Variants in POU6F2 observed in about 807,000 individuals in gnomAD.
POU6F2 encodes the protein POU class 6 homeobox 2.
In POU6F2, 31 loss-of-function variants were observed where a neutral mutation model predicts 71.3. The ratio of observed to expected loss-of-function variants is 0.43; its 90% CI spans 0.33 to 0.59. The LOEUF is 0.59. Among genes scored for constraint, POU6F2 ranks in the 20% least tolerant of loss-of-function variants. The pLI is 0.04. For missense variants in POU6F2, 783 were observed against 856.8 expected (o/e 0.91, Z 1.07); for synonymous variants, 347 against 355.7 (o/e 0.98, Z 0.27).
At chr7:39,314,839 C>T (rs1562787203) in intron 4 of POU6F2, among the ~76,000 whole-genome samples, 1 of 151,970 alleles carries the variant, frequency 6.6e-6, no homozygotes, top group Non-Finnish European at 1.5e-5. Context: ...CCTGCTTAAG[C>T]CCAACTGAGG....
intron 5 of POU6F2, among the ~76,000 whole-genome samples, chr7:39,366,807 G>A (rs1786511411): frequency 6.6e-6 from 1 of 152,116 alleles, no homozygotes; most frequent in Non-Finnish European, 1.5e-5. Context: ...GGAGGCAGGG[G>A]AGGAGATGGA....
rs200390146 is a variant in POU6F2 at position 39,411,532 on chromosome 7, A to AG, written c.1113+4800dup. Among the ~76,000 whole-genome samples, 917 of 151,948 alleles carry AG rather than the reference A, an allele frequency of 6.0e-3. 3 individuals carry two copies. The highest frequency in any genetic ancestry group is 0.021 in the African/African-American group (851 of 41,432). Reference sequence around the variant, plus strand: ...GCGTTTGTCCTTAAAAAGCCAGTCAAGGGGGGGGAAGTCAACTAAACACTA... The same window carrying AG: ...GCGTTTGTCCTTAAAAAGCCAGTCAAGGGGGGGGGAAGTCAACTAAACACTA... On this transcript the variant is annotated intron_variant, in intron 6 of 9. Transcript: ENST00000518318.
intron 6 of POU6F2, among the ~76,000 whole-genome samples, chr7:39,426,600 C>T (rs1262651626): frequency 6.6e-6 from 1 of 151,900 alleles, no homozygotes; most frequent in Non-Finnish European, 1.5e-5. Context: ...CTTCTCTCTC[C>T]CTCTCTCTCA....
chr7:39,106,534 T>A (rs1791691521), intron 2 of POU6F2, among the ~76,000 whole-genome samples: 1 of 152,228 alleles, frequency 6.6e-6, no homozygotes, highest in African/African-American at 2.4e-5. Flanking sequence ...ACATATTTTG[T>A]AGCAATAGCT....
At chr7:39,181,138 C>T (rs1334511668) in intron 2 of POU6F2, among the ~76,000 whole-genome samples, 1 of 152,184 alleles carries the variant, frequency 6.6e-6, no homozygotes, top group African/African-American at 2.4e-5. Flanking sequence ...GCAGTTCTTT[C>T]AGGAAGAGAC....
At chr7:39,243,902 C>G (rs927813228) in intron 4 of POU6F2, among the ~76,000 whole-genome samples, 1 of 152,114 alleles carries the variant, frequency 6.6e-6, no homozygotes, top group African/African-American at 2.4e-5. Context: ...GAAAGTCCTA[C>G]AGGTCATTGA....
chr7:39,371,967 G>A (rs1054431265), intron 5 of POU6F2, among the ~76,000 whole-genome samples: 5 of 152,158 alleles, frequency 3.3e-5, no homozygotes, highest in Non-Finnish European at 5.9e-5. Context: ...CCAGGCTGGA[G>A]TGCAGTGATG....
At chr7:39,206,758 GTTATC>G (rs1794021585) in intron 3 of POU6F2, among the ~76,000 whole-genome samples, 1 of 152,090 alleles carries the variant, frequency 6.6e-6, no homozygotes, top group Non-Finnish European at 1.5e-5. Flanking sequence ...TTTTTATGCA[GTTATC>G]TTATTTCCTT....
chr7:39,153,628 AGAAAT>A (rs1792803909), intron 2 of POU6F2, among the ~76,000 whole-genome samples: 1 of 152,252 alleles, frequency 6.6e-6, no homozygotes, highest in Non-Finnish European at 1.5e-5. Context: ...ATTAATTAAA[AGAAAT>A]GAACAGATAC....
At chr7:39,006,062 T>G (rs1210162749) in intron 1 of POU6F2, among the ~76,000 whole-genome samples, 1 of 152,198 alleles carries the variant, frequency 6.6e-6, no homozygotes, top group Non-Finnish European at 1.5e-5. Context: ...TATTGTGGTA[T>G]TGGGGGGACA....
At chr7:39,038,788 G>A (rs994931404) in intron 1 of POU6F2, among the ~76,000 whole-genome samples, 1 of 151,756 alleles carries the variant, frequency 6.6e-6, no homozygotes. Flanking sequence ...TGTAGAATAC[G>A]TCCCATTGGA....
At chr7:39,401,634 T>G (rs139603420) in intron 5 of POU6F2, among the ~76,000 whole-genome samples, 1 of 152,216 alleles carries the variant, frequency 6.6e-6, no homozygotes, top group Non-Finnish European at 1.5e-5. Flanking sequence ...AAGGTCCTAA[T>G]GTATGTAAAT....
At chr7:39,214,815 A>T (rs1287529467) in intron 4 of POU6F2, among the ~76,000 whole-genome samples, 1 of 152,200 alleles carries the variant, frequency 6.6e-6, no homozygotes, top group East Asian at 1.9e-4. Flanking sequence ...CTGTTCAATG[A>T]AAATTGGGAA....
chr7:39,451,685 G>A lies in POU6F2; in HGVS notation c.1473G>A (p.Val491=). The A allele has an allele frequency of 1.3e-6, 2 of 1,596,144 alleles. No homozygotes were observed. The highest frequency in any genetic ancestry group is 1.7e-5 in the Admixed American group (1 of 57,164). The stretch of plus-strand genomic sequence containing the variant: ...CCTCCTCTTCTTCAGCTTTGAGCGT[G>A]GGCCAGTTAGTCAGCAGTAAGTATC... The part of the protein sequence containing the change: ...SSSSSSSALS[V]GQLVSNPQTA... The change falls in exon 8 of 10, where the codon GTG becomes GTA. Residue 491 remains valine (V), a synonymous_variant. Transcript: ENST00000518318.
intron 1 of POU6F2, among the ~76,000 whole-genome samples, chr7:39,060,639 T>A (rs1016235457): frequency 4.6e-5 from 7 of 152,192 alleles, no homozygotes; most frequent in Admixed American, 4.6e-4. Context: ...CAGCTGGTAG[T>A]CCAACAATGC....
At chr7:39,418,987 GTA>G (rs1195793282) in intron 6 of POU6F2, among the ~76,000 whole-genome samples, 1 of 133,974 alleles carries the variant, frequency 7.5e-6, no homozygotes, top group South Asian at 2.3e-4. Flanking sequence ...ATATATATGT[GTA>G]TATATGTGTA....
At chr7:39,400,076 G>T (rs1489923590) in intron 5 of POU6F2, among the ~76,000 whole-genome samples, 1 of 152,102 alleles carries the variant, frequency 6.6e-6, no homozygotes, top group African/African-American at 2.4e-5. Context: ...TCAGTCCCCA[G>T]CCTCTCTTCC....
intron 1 of POU6F2, among the ~76,000 whole-genome samples, chr7:39,024,063 G>A (rs1313818038): frequency 6.6e-6 from 1 of 152,162 alleles, no homozygotes; most frequent in Non-Finnish European, 1.5e-5. Flanking sequence ...TAGCTTGATG[G>A]GGATGGCATT....
At chr7:39,449,112 C>T (rs554686128) in intron 7 of POU6F2, among the ~76,000 whole-genome samples, 5 of 152,306 alleles carry the variant, frequency 3.3e-5, no homozygotes, top group South Asian at 2.1e-4. Context: ...AGCAACAATA[C>T]GGGTGTTCAC....
Sources: gnomAD v4.1 joint callset for allele counts (sites outside exome capture counted in the v4.1 genomes callset) on GRCh38, gnomAD v4.1.1 for gene constraint, MANE v1.5 for transcripts, NCBI Gene and HGNC (gene_info 2026-07-23, HGNC 2026-07-21) for gene names.